The following TRPA1 variants were observed in gnomAD, a reference collection of about 807,000 sequenced individuals.
TRPA1 encodes transient receptor potential cation channel subfamily A member 1.
A neutral mutation model predicts 131.3 loss-of-function variants in TRPA1; 129 were observed. That is an observed-to-expected ratio of 0.98 (90% CI 0.85 to 1.14). The LOEUF (loss-of-function observed/expected upper bound fraction) is 1.14. TRPA1 is among the 50% of genes most tolerant of loss of function. The pLI is 0.00. For missense variants in TRPA1, 1,304 were observed against 1,354.2 expected, an observed-to-expected ratio of 0.96 and a Z score of 0.58; for synonymous variants, 441 against 451.7, an observed-to-expected ratio of 0.98 and a Z score of 0.30.
intron 2 of TRPA1, among the ~76,000 whole-genome samples, chr8:72,070,459 T>A (rs1806035324): frequency 6.6e-6 from 1 of 152,220 alleles, no homozygotes; most frequent in African/African-American, 2.4e-5. Context: ...CAAACTCCCA[T>A]TCACTAATTA....
At chr8:72,056,183 C>T in intron 10 of TRPA1, 1 of 347,164 alleles carries the variant, frequency 2.9e-6, no homozygotes, top group Non-Finnish European at 5.4e-6. Flanking sequence ...TGCCCCTCCT[C>T]TTATTTCCTC....
chr8:72,075,249 C>G, intron 1 of TRPA1, 50 bp downstream of exon 1: 1 of 1,451,866 alleles, frequency 6.9e-7, no homozygotes, highest in Non-Finnish European at 9.7e-7. Context: ...CTCCAGCCGA[C>G]CCCCGCCCGC....
rs36057078 is a variant in TRPA1 at position 72,046,623 on chromosome 8, A to ATTTT, written c.1966-19_1966-16dup. On this transcript the variant is annotated splice_polypyrimidine_tract_variant and intron_variant, in intron 16 of 26. Transcript: ENST00000262209. ...TTATACTCGATCTGTAGAAGACAGAATTTTTTTTAAAAAAATGTACAGTTA... is the reference window on the plus strand; with the variant it reads ...TTATACTCGATCTGTAGAAGACAGAATTTTTTTTTTTTAAAAAAATGTACAGTTA... The ATTTT allele has an allele frequency of 1.5e-5, 22 of 1,432,604 alleles. No homozygotes were observed. The South Asian group carries it at 2.6e-4, about 17-fold the overall frequency. The allele number at this position is 1,432,604 out of a possible 1,614,324, so 88.7% of individuals were successfully genotyped here. A position where few individuals can be genotyped will look rare whatever the true frequency, so the allele number is the denominator to read the frequency against.
chr8:72,027,073 A>G (rs58366992), intron 24 of TRPA1, among the ~76,000 whole-genome samples: 3,730 of 152,044 alleles, frequency 0.025, 183 homozygotes, highest in African/African-American at 0.084. Context: ...ATTTTCACTG[A>G]TTTTCTATAA....
At chr8:72,057,961 T>C in intron 8 of TRPA1, 145 bp from the exon 9 acceptor site, 1 of 656,266 alleles carries the variant, frequency 1.5e-6, no homozygotes, top group Non-Finnish European at 2.6e-6. Context: ...ATAGAATTAT[T>C]TGAAAGTTTC....
intron 7 of TRPA1, among the ~76,000 whole-genome samples, chr8:72,060,732 C>G (rs1805788074): frequency 6.6e-6 from 1 of 151,958 alleles, no homozygotes; most frequent in Admixed American, 6.6e-5. Context: ...TAGTTTTATG[C>G]TATTAAATTT....
chr8:72,085,193 T>G, the TRPA1 span, among the ~76,000 whole-genome samples: 2 of 152,224 alleles, frequency 1.3e-5, no homozygotes, highest in Non-Finnish European at 2.9e-5. Flanking sequence ...TTTTAAAAAT[T>G]TGTTGAGATT....
rs969884481 is a variant in TRPA1, at chr8:72,065,568, G to T, written c.445-10C>A. On this transcript the variant is annotated splice_polypyrimidine_tract_variant and intron_variant, in intron 3 of 26. Coordinates refer to ENST00000262209, the MANE Select transcript of TRPA1 (RefSeq NM_007332.3). ...TATGCTCAAGCAAGACCTAAAAAAA[G>T]GGGAGAATAATTGTCAAAATTTTTG... 3 of 1,608,808 alleles carry T rather than the reference G, an allele frequency of 1.9e-6. No individual in the cohort carries two copies. In the African/African-American group the frequency reaches 4.0e-5, roughly 22 times the overall value.
chr8:72,066,633 G>T (rs890840991), intron 3 of TRPA1, among the ~76,000 whole-genome samples: 1 of 152,088 alleles, frequency 6.6e-6, no homozygotes. Flanking sequence ...AATGATTGAC[G>T]GATTAAGGGA....
chr8:72,075,799 C>T (rs1192145404), upstream of TRPA1, among the ~76,000 whole-genome samples: 1 of 151,540 alleles, frequency 6.6e-6, no homozygotes, highest in African/African-American at 2.4e-5. Flanking sequence ...GGGTGGATTG[C>T]AGAGAATTTG....
intron 10 of TRPA1, chr8:72,056,282 T>G (rs1340847064): frequency 5.1e-6 from 1 of 197,730 alleles, no homozygotes; most frequent in African/African-American, 2.4e-5. Context: ...TATTTTATGT[T>G]TTATATGTAT....
the TRPA1 span, among the ~76,000 whole-genome samples, chr8:72,089,623 C>A: frequency 6.6e-6 from 1 of 152,010 alleles, no homozygotes; most frequent in Non-Finnish European, 1.5e-5. Context: ...CTAGAGGAAA[C>A]CTTTTTAGGA....
At chr8:72,041,119 A>T (rs34056985) in intron 17 of TRPA1, 2 of 151,990 alleles carry the variant, frequency 1.3e-5, no homozygotes, top group African/African-American at 2.4e-5. Flanking sequence ...GAGAAGAAAC[A>T]AAGGACAATA....
intron 10 of TRPA1, chr8:72,056,077 G>T (rs34580569): frequency 5.1e-6 from 3 of 583,556 alleles, no homozygotes; most frequent in African/African-American, 3.7e-5. Flanking sequence ...GTACATTACT[G>T]TATTAAAGGA....
intron 12 of TRPA1, chr8:72,054,643 G>C (rs1340338823): frequency 1.3e-5 from 2 of 152,306 alleles, no homozygotes; most frequent in African/African-American, 2.4e-5. Flanking sequence ...GGTCCCCTTT[G>C]CAGGTCAGTT....
chr8:72,071,919 G>T, intron 1 of TRPA1, 52 bp from the exon 2 acceptor site: 1 of 1,530,740 alleles, frequency 6.5e-7, no homozygotes, highest in South Asian at 1.1e-5. Context: ...AAAACTTATG[G>T]CTATAATCAT....
chr8:72,055,052 G>T (rs1805626608), intron 12 of TRPA1: 1 of 184,696 alleles, frequency 5.4e-6, no homozygotes, highest in African/African-American at 2.4e-5. Flanking sequence ...TTTTGTGTGT[G>T]TGTGTACGTG....
At position 72,022,988 on chromosome 8, in the gene TRPA1, T is replaced by C. The variant is rs745742516; in HGVS notation, c.3278A>G (p.Lys1093Arg). 1 of 1,613,924 alleles carries C rather than the reference T, an allele frequency of 6.2e-7. No homozygotes were observed. Among genetic ancestry groups the C allele is most frequent in the Middle Eastern group, 1.6e-4 (1 of 6,062 alleles). ...SHCSFQDRFK[K>R]EQMEQRNSRW... ...GCTATTCCTTTGTTCCATCTGCTCT[T>C]TCTTAAACCTGTCTTGAAAAGAACA... Residue 1093 changes from lysine (K) to arginine (R), a missense_variant, in exon 27 of 27, where the codon AAA becomes AGA. Coordinates refer to ENST00000262209, the MANE Select transcript of TRPA1 (RefSeq NM_007332.3).
intron 17 of TRPA1, among the ~76,000 whole-genome samples, chr8:72,042,177 G>A (rs1400964839): frequency 6.6e-6 from 1 of 151,840 alleles, no homozygotes; most frequent in Non-Finnish European, 1.5e-5. Context: ...CAGAATATTT[G>A]AGGAACTCCT....
Sources: allele counts gnomAD v4.1 joint callset (sites outside exome capture counted in the v4.1 genomes callset), GRCh38; gene constraint gnomAD v4.1.1; transcripts MANE v1.5; gene names NCBI Gene and HGNC (gene_info 2026-07-23, HGNC 2026-07-21).